DMTN: variants seen among roughly 807,000 people sequenced by gnomAD.
DMTN encodes dematin.
DMTN carries 27 observed loss-of-function variants against 59.4 expected under a neutral mutation model. The ratio of observed to expected loss-of-function variants is 0.45; its 90% CI spans 0.33 to 0.63. The LOEUF is 0.63. Ranked by LOEUF, DMTN falls within the 20% of genes least tolerant of loss-of-function variation. DMTN has a pLI of 0.02. For missense variants in DMTN, 451 were observed against 528.9 expected (o/e 0.85, Z 1.45); for synonymous variants, 221 against 203.7 (o/e 1.08, Z -0.72).
intron 5 of DMTN, 102 bp from the exon 6 acceptor site, chr8:22,069,317 C>T (rs534286056): frequency 1.2e-5 from 13 of 1,077,332 alleles, no homozygotes; most frequent in African/African-American, 6.4e-5. Flanking sequence ...GGGATGCAGC[C>T]GGCCAGGATG....
intron 4 of DMTN, among the ~76,000 whole-genome samples, chr8:22,068,066 C>T (rs923393917): frequency 2.6e-5 from 4 of 152,222 alleles, no homozygotes; most frequent in Admixed American, 1.3e-4. Context: ...TGCCCATCCA[C>T]GCGCAAGGTA....
At position 22,080,063 on chromosome 8, in the gene DMTN, C is replaced by G; in HGVS notation, c.836-117C>G. On this transcript the variant is annotated intron_variant, in intron 10 of 15. Transcript: ENST00000358242. ...AGCTAGCAGAAGCCCACCAGGTTCC[C>G]CCCAGCGTGATCCCTTCCTGCCCTG... 3 of 1,184,286 alleles carry G rather than the reference C, an allele frequency of 2.5e-6. No homozygotes were observed. The South Asian group carries it at 4.0e-5, about 16-fold the overall frequency. 73.4% of individuals were successfully genotyped at this position (1,184,286 alleles called of 1,614,324 possible).
At position 22,082,267 on chromosome 8, in the gene DMTN, A is replaced by AC. The variant is rs762996432; in HGVS notation, c.*811dup. On this transcript the variant is annotated 3_prime_UTR_variant, in exon 16 of 16. Coordinates refer to ENST00000358242, the MANE Select transcript of DMTN (RefSeq NM_001387751.1). ...TACCAGCTCTCACCTACACCCACGC[A>AC]CCCCCCCACACACTATGCTCTCTCA... The AC allele has an allele frequency of 2.4e-5, 11 of 453,292 alleles. No homozygotes were observed. The highest frequency in any genetic ancestry group is 2.1e-4 in the East Asian group (3 of 14,226). The allele number at this position is 453,292 out of a possible 1,614,324, so 28.1% of individuals were successfully genotyped here.
intron 10 of DMTN, among the ~76,000 whole-genome samples, chr8:22,078,385 A>G (rs1821290049): frequency 6.8e-6 from 1 of 148,022 alleles, no homozygotes; most frequent in Admixed American, 6.7e-5. Context: ...AAATATATAT[A>G]TACATATATA....
intron 10 of DMTN, among the ~76,000 whole-genome samples, chr8:22,076,758 A>G (rs142074856): frequency 0.014 from 2,162 of 152,110 alleles, 40 homozygotes; most frequent in African/African-American, 0.05. Context: ...TGACATATAT[A>G]TACACACACA....
upstream of DMTN, among the ~76,000 whole-genome samples, chr8:22,050,433 C>A (rs1378251371): frequency 6.6e-6 from 1 of 152,130 alleles, no homozygotes; most frequent in African/African-American, 2.4e-5. Flanking sequence ...CTCCGGCCCA[C>A]CCCTGCCCCT....
chr8:22,080,769 C>T (rs763011969), intron 13 of DMTN, 36 bp from the exon 14 acceptor site: 2 of 1,601,148 alleles, frequency 1.2e-6, no homozygotes, highest in East Asian at 4.5e-5. Context: ...GGTCTCCCTG[C>T]CCCGCTCTGG....
In DMTN at chr8:22,069,463, G is replaced by A. The variant is rs777812551; in HGVS notation, c.339G>A (p.Ser113=). The part of the protein sequence containing the change: ...SRSPGIISQA[S]APRTTGTPRT... ...CGCCTGGAATCATCTCTCAGGCCTC[G>A]GCCCCCAGAACCACTGGAACCCCCC... Residue 113 remains serine (S), a synonymous_variant, in exon 6 of 16, where the codon TCG becomes TCA. Transcript: ENST00000358242. The A allele has an allele frequency of 6.2e-6, 10 of 1,613,048 alleles. No homozygotes were observed. Among genetic ancestry groups the A allele is most frequent in the African/African-American group, 2.7e-5 (2 of 74,820 alleles).
chr8:22,051,180 G>A (rs187280526), upstream of DMTN, among the ~76,000 whole-genome samples: 42 of 152,288 alleles, frequency 2.8e-4, no homozygotes, highest in African/African-American at 8.9e-4. Context: ...TTTAGGGGAG[G>A]ATGTGACCAG....
At chr8:22,081,092 T>TGGGGGGGC in intron 14 of DMTN, 21 bp from the exon 15 acceptor site, 1 of 1,547,316 alleles carries the variant, frequency 6.5e-7, no homozygotes, top group Non-Finnish European at 8.9e-7. Context: ...AGCCTAAGAT[T>TGGGGGGGC]GCCCCTCCCC....
rs149430107 is a variant in DMTN, at chr8:22,060,950, C to T, written c.-172+3814C>T. 6.6e-6 allele frequency among the ~76,000 whole-genome samples: 1 copy of T among 152,220 alleles called. No individual in the cohort carries two copies. The highest frequency in any genetic ancestry group is 2.4e-5 in the African/African-American group (1 of 41,534). ...CGAGGTACTCGCCAATCCAAGCCAACCCACAAGATTGGAATGTAAGGGTTA... is the reference window on the plus strand; with the variant it reads ...CGAGGTACTCGCCAATCCAAGCCAATCCACAAGATTGGAATGTAAGGGTTA... On this transcript the variant is annotated intron_variant, in intron 1 of 15. Transcript: ENST00000358242. This position sits in a 1 kb window ranked among gnomAD's most constrained non-coding sequence, Gnocchi z 5.0.
rs767152271 is a variant in DMTN at position 22,080,407 on chromosome 8, T to C, written c.901-5T>C. 23 of 1,614,126 alleles carry C rather than the reference T, an allele frequency of 1.4e-5. No individual in the cohort carries two copies. The highest frequency in any genetic ancestry group is 1.7e-5 in the Non-Finnish European group (20 of 1,180,042). The stretch of plus-strand genomic sequence containing the variant: ...CTGCCTCTGATTCCTTTGTGTCCTT[T>C]CTAGCTACAGTCCACAGAGTTCAGC... On this transcript the variant is annotated splice_region_variant and splice_polypyrimidine_tract_variant and intron_variant, in intron 11 of 15. Transcript: ENST00000358242.
At position 22,069,613 on chromosome 8, in the gene DMTN, A is replaced by G. The variant is rs1813617707; in HGVS notation, c.394+95A>G. ...CTCAGTCCCCCACTCTCTGGGGTAT[A>G]TGCTCGCCTCAGGGCTAAGTAGGCC... On this transcript the variant is annotated intron_variant, in intron 6 of 15. Coordinates refer to ENST00000358242, the MANE Select transcript of DMTN (RefSeq NM_001387751.1). The G allele has an allele frequency of 4.4e-6, 5 of 1,143,934 alleles. No individual in the cohort carries two copies. In the East Asian group the frequency reaches 1.2e-4, roughly 29 times the overall value. The allele number at this position is 1,143,934 out of a possible 1,614,324, so 70.9% of individuals were successfully genotyped here.
In DMTN at chr8:22,070,236, A is replaced by G; in HGVS notation, c.506A>G (p.Glu169Gly). ...TKHLIEDLII[E>G]SSKFPAAQPP... The stretch of plus-strand genomic sequence containing the variant: ...CACCTCATCGAGGATCTCATCATCG[A>G]GTCATCCAAGTTTCCTGCAGCCCAG... Residue 169 changes from glutamate to glycine, a missense_variant, in exon 8 of 16, where the codon GAG becomes GGG. Transcript: ENST00000358242. 2 of 1,612,430 alleles carry G rather than the reference A, an allele frequency of 1.2e-6. No homozygotes were observed. The highest frequency in any genetic ancestry group is 1.7e-6 in the Non-Finnish European group (2 of 1,179,208).
At chr8:22,068,720 G>A (rs868340177) in intron 4 of DMTN, among the ~76,000 whole-genome samples, 3 of 151,626 alleles carry the variant, frequency 2.0e-5, no homozygotes, top group Non-Finnish European at 4.4e-5. Flanking sequence ...AAAGATGAGA[G>A]CGGGAGAGAG....
At position 22,078,392 on chromosome 8, in the gene DMTN, T is replaced by C. The variant is rs1313959119; in HGVS notation, c.836-1788T>C. On this transcript the variant is annotated intron_variant, in intron 10 of 15. Transcript: ENST00000358242. The stretch of plus-strand genomic sequence containing the variant: ...AAAACAAAAAATATATATATACATA[T>C]ATACATATATTCATATATATGTATA... 2.0e-4 allele frequency among the ~76,000 whole-genome samples: 30 copies of C among 149,352 alleles called. No homozygotes were observed. The Admixed American group carries it at 2.0e-3, about 10-fold the overall frequency.
At position 22,070,218 on chromosome 8, in the gene DMTN, T is replaced by A; in HGVS notation, c.488T>A (p.Ile163Asn). 6.2e-7 allele frequency: 1 copy of A among 1,608,502 alleles called. No individual in the cohort carries two copies. Among genetic ancestry groups the A allele is most frequent in the Non-Finnish European group, 8.5e-7 (1 of 1,177,052 alleles). ...VGGSPQTKHLIEDLIIESSKF... is the reference protein window; with the variant it reads ...VGGSPQTKHLNEDLIIESSKF... ...GGCAGCCCTCAGACCAAGCACCTCA[T>A]CGAGGATCTCATCATCGAGTCATCC... Residue 163 changes from isoleucine (I) to asparagine (N), a missense_variant, in exon 8 of 16, where the codon ATC becomes AAC. By Grantham distance (149) the Ile-to-Asn change is moderately radical. Transcript: ENST00000358242.
intron 8 of DMTN, among the ~76,000 whole-genome samples, chr8:22,071,317 C>G (rs1377051435): frequency 6.6e-6 from 1 of 151,308 alleles, no homozygotes; most frequent in Non-Finnish European, 1.5e-5. Flanking sequence ...AGGCTGATCT[C>G]AAACTCCTGA....
At chr8:22,067,280 G>A in intron 3 of DMTN, 121 bp downstream of exon 3, 1 of 1,234,076 alleles carries the variant, frequency 8.1e-7, no homozygotes, top group South Asian at 1.4e-5. Context: ...GGTGCTGGCG[G>A]GCAGAGAGAA....
Sources: allele counts gnomAD v4.1 joint callset (sites outside exome capture counted in the v4.1 genomes callset), GRCh38; gene constraint gnomAD v4.1.1; non-coding constraint Gnocchi (gnomAD v3.1); transcripts MANE v1.5; gene names NCBI Gene and HGNC (gene_info 2026-07-23, HGNC 2026-07-21).